HDAC4: variants seen among roughly 807,000 people sequenced by gnomAD.
HDAC4 encodes the protein histone deacetylase 4, also known as histone deacetylase A.
HDAC4 carries 16 observed loss-of-function variants against 135.1 expected under a neutral mutation model. That is an observed-to-expected ratio of 0.12 (90% confidence interval 0.08 to 0.18). The LOEUF is 0.18. Among genes scored for constraint, HDAC4 ranks in the 10% least tolerant of loss-of-function variants. HDAC4 has a pLI of 1.00. For missense variants in HDAC4, 1,143 were observed against 1,511.8 expected (o/e 0.76, Z 4.05); for synonymous variants, 685 against 653.4 (o/e 1.05, Z -0.74).
rs74813025 is a variant in HDAC4 at position 239,351,318 on chromosome 2, C to T, written c.22+1360G>A. 4.9e-3 allele frequency among the ~76,000 whole-genome samples: 743 copies of T among 152,310 alleles called. 4 individuals carry two copies. Among genetic ancestry groups the T allele is most frequent in the African/African-American group, 0.017 (715 of 41,554 alleles). On this transcript the variant is annotated intron_variant, in intron 2 of 26. Coordinates refer to ENST00000543185, the MANE Select transcript of HDAC4 (RefSeq NM_001378414.1). ...ATCAAAAGAGCAAGTTATATTTGCACACATACTGATACCAAAAGATGCTTA... is the reference window on the plus strand; with the variant it reads ...ATCAAAAGAGCAAGTTATATTTGCATACATACTGATACCAAAAGATGCTTA...
At chr2:239,087,644 A>G (rs2036107473) in intron 18 of HDAC4, 30 bp from the exon 19 acceptor site, 6 of 1,608,926 alleles carry the variant, frequency 3.7e-6, no homozygotes, top group African/African-American at 1.3e-5. Flanking sequence ...GCCAGGAGAG[A>G]GCAACAAAAG....
At chr2:239,112,035 G>T (rs2038722178) in intron 13 of HDAC4, among the ~76,000 whole-genome samples, 1 of 152,180 alleles carries the variant, frequency 6.6e-6, no homozygotes, top group African/African-American at 2.4e-5. Flanking sequence ...TCCCAGGGAG[G>T]CCTGGCCCAG....
intron 2 of HDAC4, chr2:239,351,934 C>G (rs1207301161): frequency 6.6e-6 from 1 of 152,406 alleles, no homozygotes; most frequent in African/African-American, 2.4e-5. Context: ...ACTGGCTCTG[C>G]AGGAGCCCCA....
intron 2 of HDAC4, among the ~76,000 whole-genome samples, chr2:239,324,263 C>A (rs1575694868): frequency 2.0e-5 from 3 of 152,326 alleles, no homozygotes; most frequent in African/African-American, 7.2e-5. Context: ...GAAAGAAACA[C>A]AGCCCTGAGC....
At chr2:239,153,223 G>A (rs528647362) in intron 7 of HDAC4, among the ~76,000 whole-genome samples, 2 of 152,316 alleles carry the variant, frequency 1.3e-5, no homozygotes, top group South Asian at 2.1e-4. Flanking sequence ...ATGGGGTGAC[G>A]ACAAAATTCA....
intron 2 of HDAC4, among the ~76,000 whole-genome samples, chr2:239,323,324 A>C (rs781219805): frequency 2.1e-4 from 32 of 152,274 alleles, no homozygotes; most frequent in Non-Finnish European, 4.4e-4. Context: ...GTCACCTGTG[A>C]CTTTCTCTGA....
In HDAC4 at chr2:239,146,549, G is replaced by A. The variant is rs1043153841; in HGVS notation, c.734-1835C>T. On this transcript the variant is annotated intron_variant, in intron 7 of 26. Coordinates refer to ENST00000543185, the MANE Select transcript of HDAC4 (RefSeq NM_001378414.1). The surrounding 1 kb of genome is among the most constrained non-coding windows in gnomAD (Gnocchi z 4.5). ...CTGTGGTACTGCAGCCCAGTGCACCGCCTCCCCCAGGCCCTGTGGGGGTCA... is the reference window on the plus strand; with the variant it reads ...CTGTGGTACTGCAGCCCAGTGCACCACCTCCCCCAGGCCCTGTGGGGGTCA... Among the ~76,000 whole-genome samples, 11 of 152,166 alleles carry A rather than the reference G, an allele frequency of 7.2e-5. No homozygotes were observed. Among genetic ancestry groups the A allele is most frequent in the African/African-American group, 2.2e-4 (9 of 41,452 alleles).
intron 2 of HDAC4, among the ~76,000 whole-genome samples, chr2:239,293,798 G>A (rs1444553796): frequency 6.6e-6 from 1 of 152,162 alleles, no homozygotes; most frequent in Non-Finnish European, 1.5e-5. Flanking sequence ...TACAGTTTAC[G>A]TGCTCCCAAA....
At chr2:239,199,045 C>T (rs1466281324) in intron 3 of HDAC4, among the ~76,000 whole-genome samples, 1 of 152,182 alleles carries the variant, frequency 6.6e-6, no homozygotes, top group African/African-American at 2.4e-5. Flanking sequence ...AATCACGATC[C>T]AAATACATTG....
intron 2 of HDAC4, among the ~76,000 whole-genome samples, chr2:239,275,838 G>T (rs2050326880): frequency 6.6e-6 from 1 of 152,200 alleles, no homozygotes; most frequent in Non-Finnish European, 1.5e-5. Flanking sequence ...GGGAGCCCCA[G>T]ATAGCTCCTC....
At chr2:239,069,779 G>A (rs1485671735) in intron 22 of HDAC4, among the ~76,000 whole-genome samples, 1 of 132,298 alleles carries the variant, frequency 7.6e-6, no homozygotes, top group African/African-American at 2.8e-5. Context: ...AAGCCCCACT[G>A]CACTTGCTTG....
At chr2:239,130,503 TGTG>T (rs2040499966) in intron 11 of HDAC4, among the ~76,000 whole-genome samples, 1 of 151,568 alleles carries the variant, frequency 6.6e-6, no homozygotes, top group Non-Finnish European at 1.5e-5. Flanking sequence ...TAGAAAGATC[TGTG>T]ACAGGGCCAC....
At chr2:239,101,339 C>G (rs1277589065) in intron 16 of HDAC4, among the ~76,000 whole-genome samples, 3 of 152,208 alleles carry the variant, frequency 2.0e-5, no homozygotes, top group African/African-American at 7.2e-5. Flanking sequence ...GCATCCAGTA[C>G]AGAAGGTGCC....
At chr2:239,083,828 C>T (rs771845245) in intron 20 of HDAC4, among the ~76,000 whole-genome samples, 47 of 152,314 alleles carry the variant, frequency 3.1e-4, no homozygotes, top group Admixed American at 5.9e-4. Flanking sequence ...GCTCCCAGGC[C>T]ACACACGCAA....
intron 2 of HDAC4, among the ~76,000 whole-genome samples, chr2:239,277,151 A>C (rs1358945410): frequency 1.3e-5 from 2 of 152,202 alleles, no homozygotes; most frequent in African/African-American, 4.8e-5. Context: ...AGCACCTGGT[A>C]TAGTGGGGTC....
chr2:239,091,567 G>C (rs971818111), intron 17 of HDAC4: 2 of 152,170 alleles, frequency 1.3e-5, no homozygotes, highest in African/African-American at 4.8e-5. Context: ...CCCTTCCCCA[G>C]ACCAGGCCCT....
chr2:239,270,184 G>A (rs542645768), intron 2 of HDAC4, among the ~76,000 whole-genome samples: 2 of 152,268 alleles, frequency 1.3e-5, no homozygotes, highest in East Asian at 3.9e-4. Flanking sequence ...GCTCTGTCTC[G>A]GGCTGCACTG....
At chr2:239,374,225 AT>A (rs1694831082) in intron 1 of HDAC4, among the ~76,000 whole-genome samples, 1 of 152,252 alleles carries the variant, frequency 6.6e-6, no homozygotes, top group East Asian at 1.9e-4. Context: ...CATTGAGTAA[AT>A]ATCAGAGAAA....
intron 2 of HDAC4, among the ~76,000 whole-genome samples, chr2:239,350,060 G>A (rs1294461693): frequency 6.6e-6 from 1 of 152,162 alleles, no homozygotes; most frequent in Non-Finnish European, 1.5e-5. Flanking sequence ...CCAGCACCCC[G>A]CGGTTTCCAG....
Sources: gnomAD v4.1 joint callset for allele counts (sites outside exome capture counted in the v4.1 genomes callset) on GRCh38, gnomAD v4.1.1 for gene constraint, Gnocchi (gnomAD v3.1) non-coding constraint, MANE v1.5 for transcripts, NCBI Gene and HGNC (gene_info 2026-07-23, HGNC 2026-07-21) for gene names.